ANAPC5: variants seen among roughly 807,000 people sequenced by gnomAD.
ANAPC5 encodes anaphase-promoting complex subunit 5.
ANAPC5 carries 60 observed loss-of-function variants against 91.3 expected under a neutral mutation model. That is an observed-to-expected ratio of 0.66 (90% CI 0.53 to 0.81). ANAPC5 has a LOEUF of 0.81. ANAPC5 is among the 40% of genes least tolerant of loss of function. The probability of loss-of-function intolerance (pLI) is 0.00; values close to 1 mark genes in which losing one functional copy is unlikely to be tolerated. For missense variants in ANAPC5, 690 were observed against 931.5 expected, an observed-to-expected ratio of 0.74 and a Z score of 3.37; for synonymous variants, 340 against 364.1, an observed-to-expected ratio of 0.93 and a Z score of 0.75.
chr12:121,320,511 C>T (rs1228071989), intron 11 of ANAPC5, 52 bp from the exon 12 acceptor site: 1 of 1,506,302 alleles, frequency 6.6e-7, no homozygotes, highest in Non-Finnish European at 9.2e-7. Context: ...GAATCCACAC[C>T]TGCTGTACCA....
intron 9 of ANAPC5, chr12:121,329,151 T>C (rs1374849436): frequency 6.6e-6 from 1 of 152,202 alleles, no homozygotes; most frequent in African/African-American, 2.4e-5. Flanking sequence ...AGATTTGTTT[T>C]TTGGTTTTAG....
chr12:121,316,745 A>G (rs1327187587), intron 15 of ANAPC5, among the ~76,000 whole-genome samples: 5 of 150,890 alleles, frequency 3.3e-5, no homozygotes, highest in Non-Finnish European at 7.4e-5. Flanking sequence ...AAAAAAAAAA[A>G]AAAAAAAAAA....
chr12:121,325,579 T>A (rs1902782709), intron 11 of ANAPC5, among the ~76,000 whole-genome samples: 1 of 150,754 alleles, frequency 6.6e-6, no homozygotes, highest in Admixed American at 6.6e-5. Flanking sequence ...TAAAAAAAAA[T>A]AATTTCGCCA....
chr12:121,309,283 A>G (rs1388094543), intron 16 of ANAPC5, among the ~76,000 whole-genome samples: 3 of 151,772 alleles, frequency 2.0e-5, no homozygotes, highest in Non-Finnish European at 4.4e-5. Context: ...AGCCCTACTA[A>G]AAATACAAAA....
chr12:121,328,031 C>T (rs1295332955), intron 10 of ANAPC5: 4 of 299,042 alleles, frequency 1.3e-5, no homozygotes, highest in East Asian at 1.4e-4. Context: ...TTTGCGATCG[C>T]GGGTAGATCA....
Position 121,308,290 on chromosome 12 carries a change from G to A in ANAPC5, c.*190C>T. The A allele has an allele frequency of 3.5e-6, 2 of 571,104 alleles. No homozygotes were observed. The highest frequency in any genetic ancestry group is 6.2e-6 in the Non-Finnish European group (2 of 322,788). 35.4% of individuals were successfully genotyped at this position (571,104 alleles called of 1,614,324 possible). ...TATTAAGAAAAAGTTGGTGTCCTTTGCTACCAAAAGGGAAGAAAAGGGGAA... is the reference window on the plus strand; with the variant it reads ...TATTAAGAAAAAGTTGGTGTCCTTTACTACCAAAAGGGAAGAAAAGGGGAA... On this transcript the variant is annotated 3_prime_UTR_variant, in exon 17 of 17. Transcript: ENST00000261819.
Position 121,352,392 on chromosome 12 carries a change from C to A in ANAPC5, c.-52G>T, listed in dbSNP as rs1555275567. The A allele has an allele frequency of 6.9e-7, 1 of 1,438,992 alleles. No individual in the cohort carries two copies. Among genetic ancestry groups the A allele is most frequent in the Non-Finnish European group, 9.6e-7 (1 of 1,043,616 alleles). The allele number at this position is 1,438,992 out of a possible 1,614,324, so 89.1% of individuals were successfully genotyped here. Reference sequence around the variant, plus strand: ...CGCGGCGCGCTGCCGCCAGTTGTCACCACAAGGCACAACACTACCGGGTCT... The same window carrying A: ...CGCGGCGCGCTGCCGCCAGTTGTCAACACAAGGCACAACACTACCGGGTCT... On this transcript the variant is annotated 5_prime_UTR_variant, in exon 1 of 17. Coordinates refer to ENST00000261819, the MANE Select transcript of ANAPC5 (RefSeq NM_016237.5).
At chr12:121,308,964 CA>C (rs1320642777) in intron 16 of ANAPC5, among the ~76,000 whole-genome samples, 1 of 151,648 alleles carries the variant, frequency 6.6e-6, no homozygotes, top group Non-Finnish European at 1.5e-5. Flanking sequence ...GCCTGGCCAA[CA>C]TGGTGAAACC....
intron 1 of ANAPC5, among the ~76,000 whole-genome samples, chr12:121,350,853 C>T (rs1296603993): frequency 1.3e-5 from 2 of 152,036 alleles, no homozygotes; most frequent in African/African-American, 4.8e-5. Flanking sequence ...GAGAGAAGGC[C>T]ATCACTCACG....
At chr12:121,338,824 TTATA>T (rs2136802915) in intron 5 of ANAPC5, among the ~76,000 whole-genome samples, 1 of 152,152 alleles carries the variant, frequency 6.6e-6, no homozygotes, top group South Asian at 2.1e-4. Flanking sequence ...TGTATACATA[TTATA>T]TAAATTTACA....
At position 121,309,173 on chromosome 12, in the gene ANAPC5, G is replaced by A. The variant is rs530076398; in HGVS notation, c.2057-482C>T. Among the ~76,000 whole-genome samples the A allele has an allele frequency of 3.2e-4, 46 of 142,500 alleles. No homozygotes were observed. In the East Asian group the frequency reaches 8.4e-3, roughly 26 times the overall value. The allele number at this position is 142,500 out of a possible 152,430, so 93.5% of individuals were successfully genotyped here. A position where few individuals can be genotyped will look rare whatever the true frequency, so the allele number is the denominator to read the frequency against. On this transcript the variant is annotated intron_variant, in intron 16 of 16. Transcript: ENST00000261819. ...AAAAAAAAAAAAAAAAAAAAAGGCC[G>A]GGCGCAGTGGCTCACACCTATAATC...
Position 121,335,545 on chromosome 12 carries a change from C to A in ANAPC5, c.938G>T (p.Arg313Leu). 1 of 1,604,116 alleles carries A rather than the reference C, an allele frequency of 6.2e-7. No homozygotes were observed. Among genetic ancestry groups the A allele is most frequent in the South Asian group, 1.1e-5 (1 of 90,562 alleles). The part of the protein sequence containing the change: ...AALNLAALHC[R>L]FGHYQQAELA... ...TCTATAAACTTACTAGTGACCGAAG[C>A]GGCAGTGCAGGGCGGCAAGATTCAG... Residue 313 changes from arginine to leucine, a missense_variant, in exon 7 of 17, where the codon CGC (arginine) becomes CTC (leucine). Coordinates refer to ENST00000261819, the MANE Select transcript of ANAPC5 (RefSeq NM_016237.5).
intron 12 of ANAPC5, among the ~76,000 whole-genome samples, chr12:121,320,127 GCACT>G (rs1259257010): frequency 2.0e-5 from 3 of 151,806 alleles, no homozygotes; most frequent in Non-Finnish European, 4.4e-5. Context: ...TTCAAAGTAG[GCACT>G]CAATTTGGTA....
At position 121,337,558 on chromosome 12, in the gene ANAPC5, C is replaced by G. The variant is rs1289510329; in HGVS notation, c.658-166G>C. Among the ~76,000 whole-genome samples, 5 of 152,300 alleles carry G rather than the reference C, an allele frequency of 3.3e-5. No homozygotes were observed. In the East Asian group the frequency reaches 9.6e-4, roughly 29 times the overall value. ...TGGCCTTCCCTCACTCTAGGTAACACTGAAGGTGGACCCTGCCACATGCTC... is the reference window on the plus strand; with the variant it reads ...TGGCCTTCCCTCACTCTAGGTAACAGTGAAGGTGGACCCTGCCACATGCTC... On this transcript the variant is annotated intron_variant, in intron 5 of 16. Coordinates refer to ENST00000261819, the MANE Select transcript of ANAPC5 (RefSeq NM_016237.5).
intron 15 of ANAPC5, among the ~76,000 whole-genome samples, chr12:121,313,535 A>G (rs921213796): frequency 6.6e-6 from 1 of 152,112 alleles, no homozygotes; most frequent in African/African-American, 2.4e-5. Context: ...AAGAGACAAG[A>G]CTCAAATAAC....
At chr12:121,314,301 A>G (rs1176447874) in intron 15 of ANAPC5, among the ~76,000 whole-genome samples, 2 of 152,180 alleles carry the variant, frequency 1.3e-5, no homozygotes, top group African/African-American at 4.8e-5. Context: ...TGGGAAGCTG[A>G]GGCACAAGAA....
In ANAPC5 at chr12:121,346,891, C is replaced by T; in HGVS notation, c.397+5G>A. ...CTCTCTGCTCTTCTTAGAAGAGTTTCATACCTACTACACTTGTTTTGTGAA... is the reference window on the plus strand; with the variant it reads ...CTCTCTGCTCTTCTTAGAAGAGTTTTATACCTACTACACTTGTTTTGTGAA... On this transcript the variant is annotated splice_donor_5th_base_variant and intron_variant, in intron 3 of 16. Coordinates refer to ENST00000261819, the MANE Select transcript of ANAPC5 (RefSeq NM_016237.5). 3 of 1,575,610 alleles carry T rather than the reference C, an allele frequency of 1.9e-6. No homozygotes were observed. The highest frequency in any genetic ancestry group is 2.6e-6 in the Non-Finnish European group (3 of 1,159,630).
At chr12:121,346,261 G>T in intron 3 of ANAPC5, 1 of 415,476 alleles carries the variant, frequency 2.4e-6, no homozygotes, top group Non-Finnish European at 4.3e-6. Flanking sequence ...CCACCTGAAG[G>T]CTTCCATTTT....
chr12:121,308,974 C>A (rs888770941), intron 16 of ANAPC5, among the ~76,000 whole-genome samples: 1 of 151,596 alleles, frequency 6.6e-6, no homozygotes, highest in African/African-American at 2.4e-5. Flanking sequence ...CATGGTGAAA[C>A]CTTGTCTCTA....
Sources: allele counts gnomAD v4.1 joint callset (sites outside exome capture counted in the v4.1 genomes callset), GRCh38; gene constraint gnomAD v4.1.1; transcripts MANE v1.5; gene names NCBI Gene and HGNC (gene_info 2026-07-23, HGNC 2026-07-21).